Variants in FMO3 observed in about 807,000 individuals in gnomAD.
FMO3 encodes flavin-containing monooxygenase 3.
Under a neutral mutation model 39.4 loss-of-function variants are expected in FMO3, and 40 were observed. The ratio of observed to expected loss-of-function variants is 1.02; its 90% CI spans 0.79 to 1.32. The LOEUF (loss-of-function observed/expected upper bound fraction) is 1.32. FMO3 is among the 40% of genes most tolerant of loss of function. The probability of loss-of-function intolerance (pLI) is 0.00; values close to 1 mark genes in which losing one functional copy is unlikely to be tolerated. For synonymous variants in FMO3, 219 were observed against 228.8 expected, an observed-to-expected ratio of 0.96 and a Z score of 0.39; for missense variants, 680 against 651.8, an observed-to-expected ratio of 1.04 and a Z score of -0.47.
At chr1:171,099,527 A>C (rs1268289837) in intron 2 of FMO3, among the ~76,000 whole-genome samples, 1 of 152,080 alleles carries the variant, frequency 6.6e-6, no homozygotes, top group South Asian at 2.1e-4. Context: ...ATGACACATG[A>C]CTTTTTCTAT....
At chr1:171,109,733 G>T (rs1234305463) in intron 5 of FMO3, among the ~76,000 whole-genome samples, 1 of 151,424 alleles carries the variant, frequency 6.6e-6, no homozygotes. Flanking sequence ...GTAGAGACAG[G>T]GTTTCACCAT....
At chr1:171,093,016 GATAGAT>G (rs1654788496) in intron 2 of FMO3, among the ~76,000 whole-genome samples, 1 of 152,036 alleles carries the variant, frequency 6.6e-6, no homozygotes, top group Admixed American at 6.5e-5. Flanking sequence ...GTTCTCCCTT[GATAGAT>G]CATTAATAAG....
chr1:171,095,246 G>C (rs958432676), intron 2 of FMO3, among the ~76,000 whole-genome samples: 9 of 152,136 alleles, frequency 5.9e-5, no homozygotes, highest in Non-Finnish European at 1.0e-4. Flanking sequence ...TTCAGGTGCT[G>C]ACTTTGGTCT....
At chr1:171,108,819 T>C (rs895170189) in intron 5 of FMO3, among the ~76,000 whole-genome samples, 1 of 152,026 alleles carries the variant, frequency 6.6e-6, no homozygotes, top group African/African-American at 2.4e-5. Flanking sequence ...AAAAAAAGGA[T>C]AAACAAGTGA....
At chr1:171,110,427 T>A (rs949976840) in intron 5 of FMO3, among the ~76,000 whole-genome samples, 63 of 152,092 alleles carry the variant, frequency 4.1e-4, no homozygotes, top group African/African-American at 1.3e-3. Context: ...AGATGTAAAG[T>A]TCAGACGTTT....
At chr1:171,116,110 A>C in intron 7 of FMO3, 98 bp from the exon 8 acceptor site, 1 of 767,730 alleles carries the variant, frequency 1.3e-6, no homozygotes, top group Non-Finnish European at 2.4e-6. Flanking sequence ...ATGAACACCA[A>C]TTAATGTAAT....
chr1:171,107,679 T>A lies in FMO3; in HGVS notation c.326T>A (p.Phe109Tyr). Reference sequence around the variant, plus strand: ...TTCTTTCTGTATTTCTCTTAGACATTTGTATCCAGTGTAAATAAACATCCT... The same window carrying A: ...TTCTTTCTGTATTTCTCTTAGACATATGTATCCAGTGTAAATAAACATCCT... ...NLLKYIQFKT[F>Y]VSSVNKHPDF... Residue 109 changes from phenylalanine to tyrosine, a missense_variant, in exon 4 of 9, where the codon TTT becomes TAT. Physicochemically the swap from Phe to Tyr is conservative, Grantham distance 22. Transcript: ENST00000367755. 6.2e-7 allele frequency: 1 copy of A among 1,612,390 alleles called. No homozygotes were observed. The highest frequency in any genetic ancestry group is 8.5e-7 in the Non-Finnish European group (1 of 1,178,544).
At chr1:171,096,245 A>T (rs1270902889) in intron 2 of FMO3, among the ~76,000 whole-genome samples, 1 of 75,350 alleles carries the variant, frequency 1.3e-5, no homozygotes, top group Non-Finnish European at 2.2e-5. Flanking sequence ...ATTATTTCAT[A>T]CATATTATAT....
At chr1:171,099,323 T>A (rs1443154563) in intron 2 of FMO3, among the ~76,000 whole-genome samples, 1 of 152,188 alleles carries the variant, frequency 6.6e-6, no homozygotes, top group East Asian at 1.9e-4. Flanking sequence ...TCCAACTATG[T>A]GGTCAATTTT....
chr1:171,116,074 G>C, intron 7 of FMO3, 134 bp from the exon 8 acceptor site: 2 of 666,608 alleles, frequency 3.0e-6, no homozygotes, highest in Non-Finnish European at 2.8e-6. Flanking sequence ...GAGAAGACTA[G>C]AACTGAATTT....
At position 171,116,238 on chromosome 1, in the gene FMO3, T is replaced by C; in HGVS notation, c.1214T>C (p.Met405Thr). Residue 405 changes from methionine to threonine, a missense_variant, in exon 8 of 9, where the codon ATG (methionine) becomes ACG (threonine). Coordinates refer to ENST00000367755, the MANE Select transcript of FMO3 (RefSeq NM_001002294.3). ...GTCTLPSMED[M>T]MNDINEKMEK... ...TGTACTTTGCCTTCTATGGAAGACA[T>C]GATGAATGATATTAATGAGAAAATG... 6.2e-7 allele frequency: 1 copy of C among 1,605,774 alleles called. No homozygotes were observed. The highest frequency in any genetic ancestry group is 8.5e-7 in the Non-Finnish European group (1 of 1,172,712).
rs534306840 is a variant in FMO3, at chr1:171,113,464, A to G, written c.828-543A>G. The stretch of plus-strand genomic sequence containing the variant: ...ATTTGGTCTTCTCCACAGTATGATG[A>G]CCATCTTGGAGTATACTGAATTAAG... On this transcript the variant is annotated intron_variant, in intron 6 of 8. Coordinates refer to ENST00000367755, the MANE Select transcript of FMO3 (RefSeq NM_001002294.3). Among the ~76,000 whole-genome samples the G allele has an allele frequency of 1.7e-3, 254 of 152,268 alleles. 3 individuals carry two copies. Among genetic ancestry groups the G allele is most frequent in the African/African-American group, 5.8e-3 (242 of 41,560 alleles).
chr1:171,094,578 T>C (rs181041084), intron 2 of FMO3, among the ~76,000 whole-genome samples: 1 of 152,168 alleles, frequency 6.6e-6, no homozygotes, highest in Non-Finnish European at 1.5e-5. Flanking sequence ...TTTCAGATCT[T>C]ACATTTAAGT....
rs753324854 is a variant in FMO3, at chr1:171,116,196, CTTCT to C, written c.1184-9_1184-6del. On this transcript the variant is annotated splice_region_variant and splice_polypyrimidine_tract_variant and intron_variant, in intron 7 of 8. Transcript: ENST00000367755. ...CTCATTAATTACCATCGTGTCTTTC[CTTCT>C]TTATCAGGAACTTGTACTTTGCCTT... The C allele has an allele frequency of 1.9e-6, 3 of 1,564,720 alleles. No homozygotes were observed. Among genetic ancestry groups the C allele is most frequent in the South Asian group, 1.1e-5 (1 of 90,002 alleles).
chr1:171,096,763 T>A (rs1374895834), intron 2 of FMO3, among the ~76,000 whole-genome samples: 6 of 129,150 alleles, frequency 4.6e-5, no homozygotes, highest in Non-Finnish European at 9.5e-5. Flanking sequence ...ATTAAAAATA[T>A]ATAATTAATA....
intron 2 of FMO3, among the ~76,000 whole-genome samples, chr1:171,096,164 ATATAATTATATATAATATAT>A: frequency 1.4e-5 from 1 of 69,442 alleles, no homozygotes; most frequent in African/African-American, 6.6e-5. Flanking sequence ...TATATAATAT[ATATAATTATATATAATATAT>A]TAATATATAT....
intron 2 of FMO3, among the ~76,000 whole-genome samples, chr1:171,096,564 A>G (rs1483466985): frequency 4.6e-5 from 3 of 65,114 alleles, no homozygotes; most frequent in African/African-American, 1.8e-4. Context: ...TATATATTAA[A>G]TACATACTAT....
intron 2 of FMO3, among the ~76,000 whole-genome samples, chr1:171,096,897 G>C (rs1282054842): frequency 6.6e-6 from 1 of 151,244 alleles, no homozygotes; most frequent in Non-Finnish European, 1.5e-5. Context: ...CCATTAACTT[G>C]TCATTTAGCA....
At position 171,114,352 on chromosome 1, in the gene FMO3, AG is replaced by A. The variant is rs1285545984; in HGVS notation, c.1174del (p.Val392Ter). ...VDLQSRWAAQVIKGTCTLPSM... is the reference protein window; with the variant it reads ...VDLQSRWAAQXIKGTCTLPSM... Reference sequence around the variant, plus strand: ...ACCTCCAGTCCCGCTGGGCAGCACAAGTAATAAAGGGTAAGTCAATAAAGAG... The same window carrying A: ...ACCTCCAGTCCCGCTGGGCAGCACAATAATAAAGGGTAAGTCAATAAAGAG... On this transcript the variant is annotated frameshift_variant, in exon 7 of 9. Transcript: ENST00000367755. LOFTEE classifies it high-confidence loss of function. The A allele has an allele frequency of 6.2e-7, 1 of 1,612,000 alleles. No individual in the cohort carries two copies. Among genetic ancestry groups the A allele is most frequent in the Non-Finnish European group, 8.5e-7 (1 of 1,178,428 alleles).
Sources: allele counts gnomAD v4.1 joint callset (sites outside exome capture counted in the v4.1 genomes callset), GRCh38; gene constraint gnomAD v4.1.1; transcripts MANE v1.5; gene names NCBI Gene and HGNC (gene_info 2026-07-23, HGNC 2026-07-21).